The following DOCK1 variants were observed in gnomAD, a reference collection of about 807,000 sequenced individuals.
DOCK1 encodes dedicator of cytokinesis 1.
In DOCK1, 138 loss-of-function variants were observed where a neutral mutation model predicts 262.7. The observed-to-expected ratio is 0.53, with a 90% confidence interval of 0.46 to 0.61. The LOEUF (loss-of-function observed/expected upper bound fraction) is 0.61. Ranked by LOEUF, DOCK1 falls within the 20% of genes least tolerant of loss-of-function variation. The pLI, the probability that DOCK1 is intolerant of heterozygous loss-of-function variation, is 0.00. For synonymous variants in DOCK1, 866 were observed against 867.4 expected, an observed-to-expected ratio of 1.00 and a Z score of 0.03; for missense variants, 1,908 against 2,370.7, an observed-to-expected ratio of 0.80 and a Z score of 4.05.
chr10:127,155,033 G>A (rs1405577932), intron 27 of DOCK1, among the ~76,000 whole-genome samples: 1 of 152,134 alleles, frequency 6.6e-6, no homozygotes, highest in African/African-American at 2.4e-5. Flanking sequence ...CATGATAACC[G>A]GAATGTTAAA....
rs147294924 is a variant in DOCK1 at position 127,428,416 on chromosome 10, C to T, written c.4914+2405C>T. ...TGGTGTGCTGTGTGGATTGGGGTGC[C>T]GTGTGAATTGGGGTGCCGTGTGAAT... On this transcript the variant is annotated intron_variant, in intron 47 of 51. Coordinates refer to ENST00000623213, the MANE Select transcript of DOCK1 (RefSeq NM_001290223.2). Among the ~76,000 whole-genome samples, 1,343 of 150,744 alleles carry T rather than the reference C, an allele frequency of 8.9e-3. 14 individuals are homozygous for T. The highest frequency in any genetic ancestry group is 0.043 in the South Asian group (202 of 4,722).
At chr10:126,966,658 G>A (rs2037701431) in intron 1 of DOCK1, among the ~76,000 whole-genome samples, 1 of 152,096 alleles carries the variant, frequency 6.6e-6, no homozygotes, top group African/African-American at 2.4e-5. Context: ...ACAATCAGGA[G>A]ACTGAACAGA....
At chr10:127,365,974 G>A (rs1231907872) in intron 33 of DOCK1, among the ~76,000 whole-genome samples, 3 of 152,184 alleles carry the variant, frequency 2.0e-5, no homozygotes, top group African/African-American at 7.2e-5. Context: ...ATATCATGAA[G>A]TAATTGGCAC....
intron 23 of DOCK1, among the ~76,000 whole-genome samples, chr10:127,099,538 T>G (rs1015824264): frequency 2.6e-5 from 4 of 152,162 alleles, no homozygotes; most frequent in Non-Finnish European, 4.4e-5. Context: ...CAGAAGCTTC[T>G]GCTCATGACA....
intron 27 of DOCK1, among the ~76,000 whole-genome samples, chr10:127,219,842 GT>G (rs2058357997): frequency 6.6e-6 from 1 of 152,098 alleles, no homozygotes; most frequent in South Asian, 2.1e-4. Flanking sequence ...AGCCCATCCT[GT>G]TTGGTGACAC....
chr10:127,388,941 A>T (rs913908589), intron 38 of DOCK1, among the ~76,000 whole-genome samples: 4 of 152,210 alleles, frequency 2.6e-5, no homozygotes, highest in Non-Finnish European at 4.4e-5. Context: ...CTAAGTATGC[A>T]TGTATTCTGA....
intron 4 of DOCK1, among the ~76,000 whole-genome samples, chr10:126,986,859 G>A (rs2039434336): frequency 2.0e-5 from 3 of 152,144 alleles, no homozygotes; most frequent in Non-Finnish European, 4.4e-5. Flanking sequence ...GCAGTGAGCC[G>A]AGATTGCACC....
chr10:127,132,739 T>C (rs1318985291), intron 27 of DOCK1, among the ~76,000 whole-genome samples: 2 of 152,220 alleles, frequency 1.3e-5, no homozygotes, highest in African/African-American at 4.8e-5. Context: ...TCTCCTGTGA[T>C]ACGCGCTGCT....
chr10:127,224,625 T>C (rs2058568838), intron 27 of DOCK1, among the ~76,000 whole-genome samples: 1 of 150,326 alleles, frequency 6.7e-6, no homozygotes, highest in African/African-American at 2.5e-5. Flanking sequence ...GAGCCTGAGG[T>C]AGGAGGATCA....
At chr10:127,263,330 G>A (rs1304075220) in intron 29 of DOCK1, among the ~76,000 whole-genome samples, 2 of 152,352 alleles carry the variant, frequency 1.3e-5, no homozygotes, top group South Asian at 2.1e-4. Context: ...TTATCTACCT[G>A]CCATATATGT....
At chr10:126,916,044 C>T (rs7913911) in intron 1 of DOCK1, among the ~76,000 whole-genome samples, 59,250 of 152,022 alleles carry the variant, frequency 0.39, 13,062 homozygotes, top group Non-Finnish European at 0.51. Context: ...GGCGTTGGGA[C>T]ACTATGGTGT....
Position 127,367,878 on chromosome 10 carries a change from G to T in DOCK1, c.3432+5666G>T, listed in dbSNP as rs533989516. The stretch of plus-strand genomic sequence containing the variant: ...TTCTTTTCCTCCTAGTGCTTGCAGT[G>T]TGGATACTCCAAGCCAGGGGAGGTG... On this transcript the variant is annotated intron_variant, in intron 33 of 51. Coordinates refer to ENST00000623213, the MANE Select transcript of DOCK1 (RefSeq NM_001290223.2). Among the ~76,000 whole-genome samples, 8 of 152,180 alleles carry T rather than the reference G, an allele frequency of 5.3e-5. No homozygotes were observed. The East Asian group carries it at 7.8e-4, about 15-fold the overall frequency.
intron 29 of DOCK1, among the ~76,000 whole-genome samples, chr10:127,265,222 A>G (rs2060311263): frequency 6.6e-6 from 1 of 152,226 alleles, no homozygotes; most frequent in South Asian, 2.1e-4. Flanking sequence ...GTCGTTGACC[A>G]TTTCAACATC....
At position 127,020,567 on chromosome 10, in the gene DOCK1, C is replaced by CAA. The variant is rs772736819; in HGVS notation, c.1327+1745_1327+1746dup. On this transcript the variant is annotated intron_variant, in intron 13 of 51. Transcript: ENST00000623213. Reference sequence around the variant, plus strand: ...TGAGTGACAGAGAGAGAACCTGTCTCAAAAAAAAAAAAAACTAAGTCTAAA... The same window carrying CAA: ...TGAGTGACAGAGAGAGAACCTGTCTCAAAAAAAAAAAAAAAACTAAGTCTAAA... Among the ~76,000 whole-genome samples, 695 of 117,110 alleles carry CAA rather than the reference C, an allele frequency of 5.9e-3. 4 individuals carry two copies. Among genetic ancestry groups the CAA allele is most frequent in the African/African-American group, 0.012 (368 of 30,436 alleles). 76.8% of individuals were successfully genotyped at this position (117,110 alleles called of 152,430 possible). A position where few individuals can be genotyped will look rare whatever the true frequency, so the allele number is the denominator to read the frequency against.
intron 14 of DOCK1, among the ~76,000 whole-genome samples, chr10:127,023,984 G>A (rs900656868): frequency 2.0e-5 from 3 of 152,132 alleles, no homozygotes; most frequent in Admixed American, 6.5e-5. Flanking sequence ...TCTACCTACC[G>A]GCGATCATGA....
At chr10:126,971,546 A>G (rs1351552650) in intron 2 of DOCK1, among the ~76,000 whole-genome samples, 1 of 152,080 alleles carries the variant, frequency 6.6e-6, no homozygotes. Flanking sequence ...GCTCCCAAGT[A>G]GCTGGGACTA....
In DOCK1 at chr10:127,383,841, C is replaced by G. The variant is rs192972152; in HGVS notation, c.3808-949C>G. 2.6e-5 allele frequency among the ~76,000 whole-genome samples: 4 copies of G among 152,354 alleles called. No homozygotes were observed. The East Asian group carries it at 7.7e-4, about 29-fold the overall frequency. ...TCCTCCCGTGAGCCTCCAGGCTGCC[C>G]AGTGGGAGCACATGCCTCCTGCCCG... On this transcript the variant is annotated intron_variant, in intron 37 of 51. Transcript: ENST00000623213.
intron 27 of DOCK1, among the ~76,000 whole-genome samples, chr10:127,226,176 T>C (rs1430536364): frequency 6.6e-6 from 1 of 152,138 alleles, no homozygotes; most frequent in Non-Finnish European, 1.5e-5. Context: ...TTTTTTTCTC[T>C]GTCATTTTGA....
chr10:127,233,113 GA>G lies in DOCK1; in HGVS notation c.2848-14889del, dbSNP rs1298138768. ...TGAAATGTCCCTGATTGTCATAAGT[GA>G]AAAAATATCATTAAAATATTTGAAT... is the stretch of plus-strand genomic sequence containing the variant. On this transcript the variant is annotated intron_variant, in intron 27 of 51. Coordinates refer to ENST00000623213, the MANE Select transcript of DOCK1 (RefSeq NM_001290223.2). Among the ~76,000 whole-genome samples, 3 of 152,110 alleles carry G rather than the reference GA, an allele frequency of 2.0e-5. No homozygotes were observed. The East Asian group carries it at 5.8e-4, about 29-fold the overall frequency.
Sources: gnomAD v4.1 joint callset for allele counts (sites outside exome capture counted in the v4.1 genomes callset) on GRCh38, gnomAD v4.1.1 for gene constraint, MANE v1.5 for transcripts, NCBI Gene and HGNC (gene_info 2026-07-23, HGNC 2026-07-21) for gene names.